The following LRFN5 variants were observed in gnomAD, a reference collection of about 807,000 sequenced individuals.
LRFN5 encodes the protein leucine rich repeat and fibronectin type III domain containing 5.
LRFN5 carries 24 observed loss-of-function variants against 45.6 expected under a neutral mutation model. That is an observed-to-expected ratio of 0.53 (90% CI 0.38 to 0.74). The LOEUF (loss-of-function observed/expected upper bound fraction) is 0.74. Ranked by LOEUF, LRFN5 falls within the 30% of genes least tolerant of loss-of-function variation. The pLI, the probability that LRFN5 is intolerant of heterozygous loss-of-function variation, is 0.00. For missense variants in LRFN5, 776 were observed against 861.5 expected (o/e 0.90, Z 1.24); for synonymous variants, 340 against 313.8 (o/e 1.08, Z -0.88).
In LRFN5 at chr14:41,887,686, C is replaced by A. The variant is rs1223421354; in HGVS notation, c.1061C>A (p.Ala354Asp). The A allele has an allele frequency of 1.2e-6, 2 of 1,614,134 alleles. No individual in the cohort carries two copies. The highest frequency in any genetic ancestry group is 2.2e-5 in the South Asian group (2 of 91,084). ...ATCACAACTGTAAAGGATACAGGTG[C>A]TTTTACCTGCATTGCTTCCAATCCT... ...ILITTVKDTGAFTCIASNPAG... is the reference protein window; with the variant it reads ...ILITTVKDTGDFTCIASNPAG... Residue 354 changes from alanine (A) to aspartate (D), a missense_variant, in exon 3 of 6, where the codon GCT becomes GAT. Physicochemically the swap from Ala to Asp is moderately radical, Grantham distance 126 (BLOSUM62 -2). Coordinates refer to ENST00000298119, the MANE Select transcript of LRFN5 (RefSeq NM_152447.5). This position sits in a 1 kb window ranked among gnomAD's most constrained non-coding sequence, Gnocchi z 4.8.
At chr14:41,699,641 A>G (rs1412199511) in intron 1 of LRFN5, 2 of 152,106 alleles carry the variant, frequency 1.3e-5, no homozygotes, top group Non-Finnish European at 2.9e-5. Context: ...AAAACTCCAC[A>G]TGCTTCACAA....
At chr14:41,746,288 G>A (rs1350575802) in intron 1 of LRFN5, among the ~76,000 whole-genome samples, 1 of 151,918 alleles carries the variant, frequency 6.6e-6, no homozygotes, top group Non-Finnish European at 1.5e-5. Flanking sequence ...GAAAAGATTT[G>A]ACAAAATTCA....
At chr14:41,720,196 A>G (rs1043350477) in intron 1 of LRFN5, among the ~76,000 whole-genome samples, 2 of 152,014 alleles carry the variant, frequency 1.3e-5, no homozygotes, top group Non-Finnish European at 2.9e-5. Flanking sequence ...TTAGCTCCCA[A>G]TTGCAAGTAG....
Position 41,898,946 on chromosome 14 carries a change from G to C in LRFN5, c.2128G>C (p.Val710Leu), listed in dbSNP as rs1891023896. 3 of 1,611,056 alleles carry C rather than the reference G, an allele frequency of 1.9e-6. No homozygotes were observed. Among genetic ancestry groups the C allele is most frequent in the Non-Finnish European group, 2.5e-6 (3 of 1,178,636 alleles). ...TTTGCTGACTAATGTTGACCAGATT[G>C]TCCAGGAAACACAGGTGAGATTCTT... The part of the protein sequence containing the change: ...NALLTNVDQI[V>L]QETQRLELI The change falls in exon 5 of 6, where the codon GTC becomes CTC. Residue 710 changes from valine (V) to leucine (L), a missense_variant. Physicochemically the swap from Val to Leu is conservative, Grantham distance 32. Transcript: ENST00000298119.
rs1381091770 is a variant in LRFN5 at position 41,891,839 on chromosome 14, G to A, written c.1975G>A (p.Ala659Thr). 1.2e-6 allele frequency: 2 copies of A among 1,614,136 alleles called. No homozygotes were observed. The highest frequency in any genetic ancestry group is 2.2e-5 in the East Asian group (1 of 44,876). The part of the protein sequence containing the change: ...TKPSTEPQNE[A>T]VTNVESQNTN... ...GCCAAGTACAGAACCACAGAATGAA[G>A]CCGTCACAAATGTTGAATCCCAAAA... Residue 659 changes from alanine to threonine, a missense_variant, in exon 4 of 6, where the codon GCC becomes ACC. Physicochemically the swap from Ala to Thr is moderately conservative, Grantham distance 58 (BLOSUM62 0). Around this residue, in one of 2 missense-constraint regions of LRFN5, gnomAD observed 465 missense variants for 456.4 expected, o/e 1.02. Coordinates refer to ENST00000298119, the MANE Select transcript of LRFN5 (RefSeq NM_152447.5).
rs74045470 is a variant in LRFN5 at position 41,836,694 on chromosome 14, G to T, written c.-20-49912G>T. Among the ~76,000 whole-genome samples, 200 of 152,268 alleles carry T rather than the reference G, an allele frequency of 1.3e-3. 1 individual carries two copies. The highest frequency in any genetic ancestry group is 4.5e-3 in the African/African-American group (185 of 41,566). ...CACGATCTTTGGCCTTGTGGAATTTGTAGTGCTTATTCTGCGAGGCAGTTC... is the reference window on the plus strand; with the variant it reads ...CACGATCTTTGGCCTTGTGGAATTTTTAGTGCTTATTCTGCGAGGCAGTTC... On this transcript the variant is annotated intron_variant, in intron 2 of 5. Coordinates refer to ENST00000298119, the MANE Select transcript of LRFN5 (RefSeq NM_152447.5).
At chr14:41,702,582 C>A (rs920706949) in intron 1 of LRFN5, among the ~76,000 whole-genome samples, 3 of 152,054 alleles carry the variant, frequency 2.0e-5, no homozygotes, top group African/African-American at 7.2e-5. Context: ...CCTGCCTCAA[C>A]CTCCCAGAGA....
intron 1 of LRFN5, among the ~76,000 whole-genome samples, chr14:41,638,667 A>G (rs572024979): frequency 6.6e-6 from 1 of 152,150 alleles, no homozygotes; most frequent in African/African-American, 2.4e-5. Context: ...GTTCTTTAAT[A>G]AAATAATTTT....
At chr14:41,686,255 T>G (rs551894186) in intron 1 of LRFN5, among the ~76,000 whole-genome samples, 2 of 152,062 alleles carry the variant, frequency 1.3e-5, no homozygotes, top group South Asian at 4.2e-4. Context: ...ATTCATGGTT[T>G]GCCTCTCTGC....
intron 1 of LRFN5, among the ~76,000 whole-genome samples, chr14:41,618,485 T>C (rs1290534851): frequency 6.6e-6 from 1 of 152,162 alleles, no homozygotes; most frequent in African/African-American, 2.4e-5. Context: ...GTGGCCTGGC[T>C]AACAGCCAGC....
chr14:41,763,080 A>G (rs1371980948), intron 1 of LRFN5, among the ~76,000 whole-genome samples: 1 of 152,184 alleles, frequency 6.6e-6, no homozygotes, highest in African/African-American at 2.4e-5. Context: ...AGGGCTTTCA[A>G]TGGGTCAAAA....
At chr14:41,805,733 A>G (rs1887504080) in intron 2 of LRFN5, among the ~76,000 whole-genome samples, 1 of 152,124 alleles carries the variant, frequency 6.6e-6, no homozygotes, top group African/African-American at 2.4e-5. Flanking sequence ...ACAAAAAACC[A>G]AACACCGTAT....
intron 2 of LRFN5, among the ~76,000 whole-genome samples, chr14:41,777,331 C>CT (rs1886328670): frequency 6.6e-6 from 1 of 151,432 alleles, no homozygotes; most frequent in South Asian, 2.1e-4. Flanking sequence ...TATCAATGTT[C>CT]TTTTTTAGGT....
intron 2 of LRFN5, among the ~76,000 whole-genome samples, chr14:41,836,393 A>G (rs1652639618): frequency 6.6e-6 from 1 of 152,242 alleles, no homozygotes; most frequent in Non-Finnish European, 1.5e-5. Context: ...CATACTTGAT[A>G]TACATGTATA....
chr14:41,634,054 C>T (rs1326765405), intron 1 of LRFN5, among the ~76,000 whole-genome samples: 1 of 152,086 alleles, frequency 6.6e-6, no homozygotes. Flanking sequence ...TGCTTTGCCT[C>T]TATTATAAGT....
At chr14:41,706,858 A>G (rs1003301774) in intron 1 of LRFN5, among the ~76,000 whole-genome samples, 1 of 152,226 alleles carries the variant, frequency 6.6e-6, no homozygotes, top group African/African-American at 2.4e-5. Context: ...AGATGTTAGC[A>G]GTGCCTATAA....
At chr14:41,786,289 G>A (rs1886717013) in intron 2 of LRFN5, among the ~76,000 whole-genome samples, 1 of 151,814 alleles carries the variant, frequency 6.6e-6, no homozygotes, top group Non-Finnish European at 1.5e-5. Flanking sequence ...AGTTCTTTTA[G>A]CATTTCCAGT....
At chr14:41,685,719 A>G (rs545123877) in intron 1 of LRFN5, among the ~76,000 whole-genome samples, 6 of 152,060 alleles carry the variant, frequency 3.9e-5, no homozygotes, top group Non-Finnish European at 8.8e-5. Context: ...TACTGAATAA[A>G]AGGGCTTTTC....
At chr14:41,787,797 T>A (rs1886780996) in intron 2 of LRFN5, among the ~76,000 whole-genome samples, 1 of 152,070 alleles carries the variant, frequency 6.6e-6, no homozygotes, top group African/African-American at 2.4e-5. Flanking sequence ...GATGCCGCAG[T>A]ATCTTCTGTA....
Sources: allele counts gnomAD v4.1 joint callset (sites outside exome capture counted in the v4.1 genomes callset), GRCh38; gene constraint gnomAD v4.1.1; regional missense constraint gnomAD v4.1.1; non-coding constraint Gnocchi (gnomAD v3.1); transcripts MANE v1.5; gene names NCBI Gene and HGNC (gene_info 2026-07-23, HGNC 2026-07-21).